The following PHKB variants were observed in gnomAD, a reference collection of about 807,000 sequenced individuals.
The protein encoded by PHKB is phosphorylase kinase regulatory subunit beta, also known as phosphorylase b kinase regulatory subunit beta.
In PHKB, 122 loss-of-function variants were observed where a neutral mutation model predicts 152.1. That is an observed-to-expected ratio of 0.80 (90% confidence interval 0.69 to 0.93). The LOEUF (loss-of-function observed/expected upper bound fraction) is 0.93, where lower values mean the gene tolerates loss of function less well. Ranked by LOEUF, PHKB falls within the 40% of genes least tolerant of loss-of-function variation. The pLI, the probability that PHKB is intolerant of heterozygous loss-of-function variation, is 0.00. For missense variants in PHKB, 1,304 were observed against 1,328.4 expected, an observed-to-expected ratio of 0.98 and a Z score of 0.29; for synonymous variants, 436 against 464.9, an observed-to-expected ratio of 0.94 and a Z score of 0.80.
intron 7 of PHKB, among the ~76,000 whole-genome samples, chr16:47,552,784 C>G (rs1039155954): frequency 6.0e-5 from 9 of 150,806 alleles, no homozygotes; most frequent in Admixed American, 2.6e-4. Context: ...GTCACTGTGA[C>G]AAAGACCCCA....
chr16:47,607,972 G>A (rs1204135859), intron 13 of PHKB, among the ~76,000 whole-genome samples: 1 of 151,028 alleles, frequency 6.6e-6, no homozygotes, highest in African/African-American at 2.4e-5. Context: ...TTGGTAATTT[G>A]TATATCTCCT....
chr16:47,511,757 A>G lies in PHKB; in HGVS notation c.498A>G (p.Glu166=). 2 of 1,577,430 alleles carry G rather than the reference A, an allele frequency of 1.3e-6. No individual in the cohort carries two copies. The highest frequency in any genetic ancestry group is 1.1e-5 in the South Asian group (1 of 90,346). ...HTGDELLSYE[E]YGHLQINAVS... ...GAGATGAGTTGCTTTCCTATGAGGAATATGGTCATCTTCAGGTAAAAAGAG... is the reference window on the plus strand; with the variant it reads ...GAGATGAGTTGCTTTCCTATGAGGAGTATGGTCATCTTCAGGTAAAAAGAG... Residue 166 remains glutamate (E), a synonymous_variant, in exon 5 of 31, where the codon GAA becomes GAG. Coordinates refer to ENST00000323584, the MANE Select transcript of PHKB (RefSeq NM_000293.3).
intron 20 of PHKB, among the ~76,000 whole-genome samples, chr16:47,659,739 T>G (rs1248102660): frequency 6.6e-6 from 1 of 152,252 alleles, no homozygotes; most frequent in African/African-American, 2.4e-5. Flanking sequence ...GACTTGTCGG[T>G]ATCCTATCAT....
intron 7 of PHKB, among the ~76,000 whole-genome samples, chr16:47,549,331 G>A (rs1971230741): frequency 6.6e-6 from 1 of 152,072 alleles, no homozygotes. Flanking sequence ...TTTAATATAT[G>A]TCAGTCTGAC....
At chr16:47,645,029 T>C (rs1164733069) in intron 16 of PHKB, among the ~76,000 whole-genome samples, 1 of 152,224 alleles carries the variant, frequency 6.6e-6, no homozygotes, top group Non-Finnish European at 1.5e-5. Flanking sequence ...CCAAGATTTC[T>C]TGAAATAAAA....
At chr16:47,530,395 G>A (rs986262787) in intron 6 of PHKB, among the ~76,000 whole-genome samples, 5 of 152,008 alleles carry the variant, frequency 3.3e-5, no homozygotes, top group East Asian at 3.9e-4. Flanking sequence ...CAAGTGATCC[G>A]CCTGCCTCAG....
At chr16:47,690,655 T>G (rs1469346779) in intron 27 of PHKB, among the ~76,000 whole-genome samples, 1 of 152,134 alleles carries the variant, frequency 6.6e-6, no homozygotes, top group South Asian at 2.1e-4. Flanking sequence ...AGAATTCCAA[T>G]TATAAGTGTA....
chr16:47,603,503 C>CTTT (rs1200510899), intron 13 of PHKB, among the ~76,000 whole-genome samples: 2 of 132,590 alleles, frequency 1.5e-5, no homozygotes, highest in Non-Finnish European at 3.3e-5. Context: ...AACTGACTTT[C>CTTT]TTTTTTTTTT....
chr16:47,677,760 A>C (rs1362487100), intron 26 of PHKB, among the ~76,000 whole-genome samples: 1 of 151,882 alleles, frequency 6.6e-6, no homozygotes, highest in African/African-American at 2.4e-5. Context: ...TAAATGCACA[A>C]AATCATCTAA....
chr16:47,589,768 T>G (rs1971995952), intron 10 of PHKB, among the ~76,000 whole-genome samples: 1 of 152,192 alleles, frequency 6.6e-6, no homozygotes, highest in Non-Finnish European at 1.5e-5. Flanking sequence ...TGTAGTGTAT[T>G]GAAAGGTATT....
Position 47,649,207 on chromosome 16 carries a change from A to G in PHKB, c.1797+3A>G, listed in dbSNP as rs746895641. 2 of 1,475,676 alleles carry G rather than the reference A, an allele frequency of 1.4e-6. No individual in the cohort carries two copies. The highest frequency in any genetic ancestry group is 2.8e-5 in the African/African-American group (2 of 72,254). The allele number at this position is 1,475,676 out of a possible 1,614,324, so 91.4% of individuals were successfully genotyped here. On this transcript the variant is annotated splice_donor_region_variant and intron_variant, in intron 18 of 30. Coordinates refer to ENST00000323584, the MANE Select transcript of PHKB (RefSeq NM_000293.3). Reference sequence around the variant, plus strand: ...TCCTGCTGATAGATGACATAAAGGTAGCTTCGGAACACCTTTCTTAAAAAT... The same window carrying G: ...TCCTGCTGATAGATGACATAAAGGTGGCTTCGGAACACCTTTCTTAAAAAT...
intron 16 of PHKB, among the ~76,000 whole-genome samples, chr16:47,646,271 A>C: frequency 1.3e-5 from 1 of 79,054 alleles, no homozygotes; most frequent in Admixed American, 1.5e-4. Context: ...TCAGTAAACT[A>C]TCGCAAGAAC....
chr16:47,468,984 T>A (rs769702276), intron 1 of PHKB, among the ~76,000 whole-genome samples: 24 of 152,352 alleles, frequency 1.6e-4, no homozygotes, highest in Non-Finnish European at 3.5e-4. Flanking sequence ...GCCCACCCAA[T>A]CTAAGTAGCC....
chr16:47,530,453 C>T (rs1347627675), intron 6 of PHKB, among the ~76,000 whole-genome samples: 3 of 152,088 alleles, frequency 2.0e-5, no homozygotes, highest in African/African-American at 7.2e-5. Context: ...CGCCTGGCCA[C>T]TAAACTCCTA....
At chr16:47,574,071 C>T (rs1005121515) in intron 7 of PHKB, among the ~76,000 whole-genome samples, 36 of 152,252 alleles carry the variant, frequency 2.4e-4, no homozygotes, top group Admixed American at 1.6e-3. Context: ...AGGCATGCAC[C>T]GCCACACCCA....
intron 13 of PHKB, chr16:47,598,866 C>T: frequency 6.2e-7 from 1 of 1,605,468 alleles, no homozygotes; most frequent in Admixed American, 1.7e-5. Flanking sequence ...GTTCTGTATA[C>T]TTTCTATATG....
intron 7 of PHKB, among the ~76,000 whole-genome samples, chr16:47,576,483 A>G (rs139681710): frequency 5.9e-5 from 9 of 152,328 alleles, no homozygotes; most frequent in South Asian, 4.1e-4. Flanking sequence ...TTGAATGTCA[A>G]TGCTCATTTA....
chr16:47,608,843 A>G (rs1201787187), intron 13 of PHKB, among the ~76,000 whole-genome samples: 1 of 152,188 alleles, frequency 6.6e-6, no homozygotes, highest in Non-Finnish European at 1.5e-5. Context: ...ATGCCACACT[A>G]TTAATTACCA....
intron 1 of PHKB, among the ~76,000 whole-genome samples, chr16:47,485,372 A>G (rs1177083731): frequency 6.6e-6 from 1 of 152,198 alleles, no homozygotes; most frequent in Non-Finnish European, 1.5e-5. Context: ...AATCTTTTTA[A>G]CTATAGAGGT....
Sources: allele counts gnomAD v4.1 joint callset (sites outside exome capture counted in the v4.1 genomes callset), GRCh38; gene constraint gnomAD v4.1.1; transcripts MANE v1.5; gene names NCBI Gene and HGNC (gene_info 2026-07-23, HGNC 2026-07-21).